EBF2: variants seen among roughly 807,000 people sequenced by gnomAD.
EBF2 encodes the protein EBF transcription factor 2, also known as transcription factor COE2.
In EBF2, 21 loss-of-function variants were observed where a neutral mutation model predicts 72.8. The ratio of observed to expected loss-of-function variants is 0.29; its 90% CI spans 0.20 to 0.42. The LOEUF is 0.42. EBF2 is among the 10% of genes least tolerant of loss of function. EBF2 has a pLI of 1.00. For missense variants in EBF2, 637 were observed against 731.2 expected, an observed-to-expected ratio of 0.87 and a Z score of 1.49; for synonymous variants, 299 against 274.2, an observed-to-expected ratio of 1.09 and a Z score of -0.89.
chr8:25,876,569 C>G (rs2117278811), intron 10 of EBF2, among the ~76,000 whole-genome samples: 1 of 152,318 alleles, frequency 6.6e-6, no homozygotes, highest in African/African-American at 2.4e-5. Context: ...TGCTCACCAG[C>G]CACGGCCTAT....
At chr8:25,971,987 T>C (rs1324805132) in intron 6 of EBF2, among the ~76,000 whole-genome samples, 1 of 152,066 alleles carries the variant, frequency 6.6e-6, no homozygotes, top group Non-Finnish European at 1.5e-5. Context: ...GTAGTCCTGC[T>C]GCGGCAAATA....
chr8:26,029,938 G>C (rs893076977), intron 6 of EBF2, among the ~76,000 whole-genome samples: 8 of 151,926 alleles, frequency 5.3e-5, no homozygotes, highest in Non-Finnish European at 1.0e-4. Context: ...TCTGAGACAG[G>C]TCTCCCTCTG....
chr8:25,979,727 A>T (rs1379904590), intron 6 of EBF2, among the ~76,000 whole-genome samples: 2 of 151,954 alleles, frequency 1.3e-5, no homozygotes, highest in African/African-American at 4.8e-5. Context: ...GTCCTTAGCC[A>T]CTCAAATTAA....
intron 10 of EBF2, among the ~76,000 whole-genome samples, chr8:25,881,754 A>T (rs148172890): frequency 3.9e-5 from 6 of 152,260 alleles, no homozygotes; most frequent in Non-Finnish European, 2.9e-5. Flanking sequence ...TGTGCCTATA[A>T]AAACCCCGAG....
chr8:25,874,131 A>C (rs1802482547), intron 10 of EBF2, among the ~76,000 whole-genome samples: 1 of 152,160 alleles, frequency 6.6e-6, no homozygotes, highest in South Asian at 2.1e-4. Context: ...AATCAGATTC[A>C]TTTCTTCAAT....
At chr8:25,913,463 C>T (rs903040268) in intron 6 of EBF2, among the ~76,000 whole-genome samples, 5 of 152,046 alleles carry the variant, frequency 3.3e-5, no homozygotes, top group African/African-American at 1.2e-4. Flanking sequence ...TGGGAATTCA[C>T]ATAGAAGGAA....
chr8:25,901,910 C>T (rs1229504845), intron 7 of EBF2, among the ~76,000 whole-genome samples: 1 of 152,194 alleles, frequency 6.6e-6, no homozygotes, highest in African/African-American at 2.4e-5. Context: ...TTATATCCTT[C>T]CACTAGGATG....
Position 25,871,827 on chromosome 8 carries a change from C to T in EBF2, c.1010-9030G>A, listed in dbSNP as rs149555491. On this transcript the variant is annotated intron_variant, in intron 10 of 15. Transcript: ENST00000520164. ...CATGTGCCATTTCTCATTTTGATTG[C>T]GGGTATAATATATGAGATTACTTAC... Among the ~76,000 whole-genome samples, 357 of 151,976 alleles carry T rather than the reference C, an allele frequency of 2.3e-3. 5 individuals are homozygous for T. The highest frequency in any genetic ancestry group is 8.0e-3 in the African/African-American group (332 of 41,444).
At chr8:25,854,571 G>T (rs569544300) in intron 14 of EBF2, among the ~76,000 whole-genome samples, 7 of 152,270 alleles carry the variant, frequency 4.6e-5, no homozygotes, top group Admixed American at 3.9e-4. Context: ...CCTCTGCACA[G>T]ACACAGAGTG....
chr8:25,901,520 C>A (rs914370991), intron 7 of EBF2, among the ~76,000 whole-genome samples: 2 of 151,902 alleles, frequency 1.3e-5, no homozygotes, highest in Admixed American at 6.6e-5. Flanking sequence ...CTAATATACA[C>A]GCTTGTGCTG....
chr8:25,945,991 A>T (rs1182372920), intron 6 of EBF2, among the ~76,000 whole-genome samples: 3 of 152,136 alleles, frequency 2.0e-5, no homozygotes, highest in Non-Finnish European at 4.4e-5. Flanking sequence ...AACAGCTACC[A>T]CCTAGGCAGT....
intron 9 of EBF2, among the ~76,000 whole-genome samples, chr8:25,887,546 CT>C (rs1308157940): frequency 6.6e-6 from 1 of 151,856 alleles, no homozygotes; most frequent in Admixed American, 6.6e-5. Flanking sequence ...CAGTGTTGTC[CT>C]TGTTTTTTTT....
At chr8:25,880,011 A>G (rs1802582013) in intron 10 of EBF2, among the ~76,000 whole-genome samples, 1 of 152,102 alleles carries the variant, frequency 6.6e-6, no homozygotes, top group Non-Finnish European at 1.5e-5. Context: ...TTAACTCTTG[A>G]TGTTCATTGC....
chr8:25,845,380 C>T (rs1277491662), intron 15 of EBF2, among the ~76,000 whole-genome samples: 1 of 152,106 alleles, frequency 6.6e-6, no homozygotes, highest in Non-Finnish European at 1.5e-5. Flanking sequence ...ACTACAGGTG[C>T]ATGCCACCAT....
chr8:25,983,170 G>T, intron 6 of EBF2, among the ~76,000 whole-genome samples: 1 of 152,164 alleles, frequency 6.6e-6, no homozygotes, highest in Non-Finnish European at 1.5e-5. Context: ...AGAAATGGTC[G>T]CATACATTAT....
At position 25,965,512 on chromosome 8, in the gene EBF2, A is replaced by C. The variant is rs551776319; in HGVS notation, c.552-56957T>G. 2.0e-3 allele frequency among the ~76,000 whole-genome samples: 310 copies of C among 152,292 alleles called. 1 individual carries two copies. The highest frequency in any genetic ancestry group is 7.1e-3 in the African/African-American group (296 of 41,570). ...TTTTCTCAGTTGCCAAAAATAATAT[A>C]TGAAGTGAAAAGTGAATGTAGCAAA... On this transcript the variant is annotated intron_variant, in intron 6 of 15. Transcript: ENST00000520164.
At chr8:25,914,075 C>T (rs1280826289) in intron 6 of EBF2, among the ~76,000 whole-genome samples, 4 of 152,150 alleles carry the variant, frequency 2.6e-5, no homozygotes, top group African/African-American at 7.2e-5. Context: ...AAGTTTACAT[C>T]CTTTGGGCGA....
At chr8:26,038,842 T>C (rs1429445589) in intron 5 of EBF2, among the ~76,000 whole-genome samples, 3 of 152,228 alleles carry the variant, frequency 2.0e-5, no homozygotes, top group Non-Finnish European at 4.4e-5. Context: ...CTGATTGTTA[T>C]GGTTTCTTCC....
In EBF2 at chr8:26,033,905, G is replaced by C. The variant is rs537980914; in HGVS notation, c.483-752C>G. Among the ~76,000 whole-genome samples, 195 of 152,306 alleles carry C rather than the reference G, an allele frequency of 1.3e-3. 1 individual carries two copies. The highest frequency in any genetic ancestry group is 2.2e-3 in the Non-Finnish European group (150 of 68,030). On this transcript the variant is annotated intron_variant, in intron 5 of 15. Transcript: ENST00000520164. ...ACTCAAATTCTCACTCTGTGACTTA[G>C]AAGCTGGCTAATTCTCAGCAAATCA...
Sources: allele counts gnomAD v4.1 joint callset (sites outside exome capture counted in the v4.1 genomes callset), GRCh38; gene constraint gnomAD v4.1.1; transcripts MANE v1.5; gene names NCBI Gene and HGNC (gene_info 2026-07-23, HGNC 2026-07-21).